The following SPATA3 variants were observed in gnomAD, a reference collection of about 807,000 sequenced individuals.
The protein encoded by SPATA3 is spermatogenesis associated 3.
A neutral mutation model predicts 5.7 loss-of-function variants in SPATA3; 6 were observed. The ratio of observed to expected loss-of-function variants is 1.06; its 90% CI spans 0.58 to 2.09. The LOEUF is 2.09. Among genes scored for constraint, SPATA3 ranks in the 30% most tolerant of loss-of-function variants. The probability of loss-of-function intolerance (pLI) is 0.00; values close to 1 mark genes in which losing one functional copy is unlikely to be tolerated. For synonymous variants in SPATA3, 44 were observed against 48.4 expected (o/e 0.91, Z 0.37); for missense variants, 155 against 130.4 (o/e 1.19, Z -0.92).
downstream of SPATA3, among the ~76,000 whole-genome samples, chr2:231,005,337 TCACCATCATCACCATCACCAC>T (rs1559197699): frequency 8.1e-5 from 6 of 74,004 alleles, no homozygotes; most frequent in African/African-American, 3.3e-4. Context: ...ATCATCACCA[TCACCATCATCACCATCACCAC>T]CACCACCATC....
chr2:231,006,574 T>C (rs1320643279), downstream of SPATA3: 1 of 151,902 alleles, frequency 6.6e-6, no homozygotes, highest in Non-Finnish European at 1.5e-5. Context: ...GGAAGAACTT[T>C]AGCCAATGAA....
At chr2:231,015,223 G>A (rs1368456116) in intron 6 of SPATA3, among the ~76,000 whole-genome samples, 3 of 148,630 alleles carry the variant, frequency 2.0e-5, no homozygotes, top group African/African-American at 5.0e-5. Flanking sequence ...GACTATCAGC[G>A]CCCGCCACCA....
chr2:231,014,145 C>A (rs548880128), exon 6 of SPATA3: 4 of 152,148 alleles, frequency 2.6e-5, no homozygotes, highest in African/African-American at 2.4e-5. Flanking sequence ...AGACCCAGAA[C>A]GTCTGAAAAC....
chr2:230,998,049 C>A (rs1355844568), intron 1 of SPATA3, among the ~76,000 whole-genome samples: 3 of 152,174 alleles, frequency 2.0e-5, no homozygotes, highest in African/African-American at 7.2e-5. Flanking sequence ...CAGCACTGAC[C>A]TTTCCATTCC....
chr2:231,000,384 G>A, exon 2 of SPATA3: 2 of 1,519,862 alleles, frequency 1.3e-6, no homozygotes, highest in African/African-American at 1.4e-5. Context: ...ATTCGCGCCG[G>A]CCCGCATTCC....
chr2:231,013,536 G>A (rs1250330989), intron 5 of SPATA3, among the ~76,000 whole-genome samples: 8 of 151,774 alleles, frequency 5.3e-5, no homozygotes, highest in Admixed American at 3.3e-4. Context: ...TGTTGCCCAG[G>A]CTGGAGTGCA....
chr2:231,019,743 T>C (rs529772603), exon 7 of SPATA3: 1 of 151,366 alleles, frequency 6.6e-6, no homozygotes, highest in South Asian at 2.1e-4. Context: ...CCTCCTCAGA[T>C]TTGCCCTGCA....
At chr2:231,004,855 A>T (rs1407858286), downstream of SPATA3, among the ~76,000 whole-genome samples, 1 of 152,048 alleles carries the variant, frequency 6.6e-6, no homozygotes, top group African/African-American at 2.4e-5. Context: ...AGTGGAAAAA[A>T]TGCATGTAAA....
chr2:231,002,756 T>C (rs769067605), exon 3 of SPATA3: 54 of 1,529,650 alleles, frequency 3.5e-5, no homozygotes, highest in Non-Finnish European at 4.7e-5. Flanking sequence ...GCTGTGGCTC[T>C]GGGGGCTCTA....
chr2:231,011,903 CTG>C (rs149655809), downstream of SPATA3, among the ~76,000 whole-genome samples: 1,009 of 152,352 alleles, frequency 6.6e-3, 9 homozygotes, highest in African/African-American at 0.023. Flanking sequence ...AGCTCCCCCT[CTG>C]TATGTGCAAG....
intron 2 of SPATA3, among the ~76,000 whole-genome samples, chr2:231,001,745 A>G (rs188485095): frequency 2.6e-5 from 4 of 152,346 alleles, no homozygotes; most frequent in Admixed American, 2.6e-4. Context: ...AAACCAGAAC[A>G]GGGAACTTTA....
downstream of SPATA3, among the ~76,000 whole-genome samples, chr2:231,008,893 C>T (rs1180014935): frequency 6.6e-6 from 1 of 152,198 alleles, no homozygotes; most frequent in Admixed American, 6.5e-5. Flanking sequence ...ATTCTAGCTA[C>T]AGCAGCAACA....
chr2:231,010,226 A>C (rs998939163), downstream of SPATA3, among the ~76,000 whole-genome samples: 2 of 152,264 alleles, frequency 1.3e-5, no homozygotes, highest in African/African-American at 4.8e-5. Context: ...GGGAGCCTTC[A>C]GAATGAAGAC....
downstream of SPATA3, among the ~76,000 whole-genome samples, chr2:231,011,085 A>AAAAAAAAAAAAAAAAG (rs568384228): frequency 1.4e-5 from 2 of 146,092 alleles, no homozygotes; most frequent in African/African-American, 5.3e-5. Flanking sequence ...AAAAAAAAAA[A>AAAAAAAAAAAAAAAAG]AAAAGAAAAG....
At position 231,000,546 on chromosome 2, in the gene SPATA3, C is replaced by A. The variant is rs759941317; in HGVS notation, c.962+9C>A. 1.3e-6 allele frequency: 2 copies of A among 1,508,666 alleles called. No individual in the cohort carries two copies. Among genetic ancestry groups the A allele is most frequent in the Admixed American group, 2.2e-5 (1 of 46,232 alleles). The allele number at this position is 1,508,666 out of a possible 1,614,324, so 93.5% of individuals were successfully genotyped here. On this transcript the variant is annotated intron_variant, in intron 2 of 2. Transcript: ENST00000645363. ...CTGCTCACCTTCTACAGGTTCCAAGCGCGAGGGGCTGGAGCCTCGGGGCAC... is the reference window on the plus strand; with the variant it reads ...CTGCTCACCTTCTACAGGTTCCAAGAGCGAGGGGCTGGAGCCTCGGGGCAC...
At chr2:231,006,573 T>C (rs1393225080), downstream of SPATA3, 1 of 151,834 alleles carries the variant, frequency 6.6e-6, no homozygotes, top group Non-Finnish European at 1.5e-5. Context: ...GGGAAGAACT[T>C]TAGCCAATGA....
At chr2:231,005,319 T>TCATCACCATCATCACCATCAC (rs1692548170), downstream of SPATA3, among the ~76,000 whole-genome samples, 2 of 14,408 alleles carry the variant, frequency 1.4e-4, no homozygotes, top group South Asian at 2.6e-3. Context: ...ACCACCATCA[T>TCATCACCATCATCACCATCAC]CATCACCATC....
intron 6 of SPATA3, among the ~76,000 whole-genome samples, chr2:231,018,457 T>G (rs1692986750): frequency 6.6e-6 from 1 of 151,946 alleles, no homozygotes; most frequent in South Asian, 2.1e-4. Context: ...CCATATGGTA[T>G]AGAAACTTCA....
chr2:231,013,452 C>G (rs1235540320), intron 5 of SPATA3, among the ~76,000 whole-genome samples: 1 of 152,052 alleles, frequency 6.6e-6, no homozygotes, highest in Non-Finnish European at 1.5e-5. Context: ...TATCTACTCA[C>G]CTGTTAATGG....
Sources: allele counts gnomAD v4.1 joint callset (sites outside exome capture counted in the v4.1 genomes callset), GRCh38; gene constraint gnomAD v4.1.1; transcripts MANE v1.5; gene names NCBI Gene and HGNC (gene_info 2026-07-23, HGNC 2026-07-21).